Variants in GRIN2B observed in about 807,000 individuals in gnomAD.
The protein encoded by GRIN2B is glutamate receptor ionotropic, NMDA 2B.
In GRIN2B, 5 loss-of-function variants were observed where a neutral mutation model predicts 114.5. That is an observed-to-expected ratio of 0.04 (90% CI 0.02 to 0.09). The LOEUF is 0.09. GRIN2B is among the 10% of genes least tolerant of loss of function. GRIN2B has a pLI of 1.00. For missense variants in GRIN2B, 1,108 were observed against 1,943.5 expected (o/e 0.57, Z 8.08); for synonymous variants, 787 against 745.1 (o/e 1.06, Z -0.92).
intron 3 of GRIN2B, among the ~76,000 whole-genome samples, chr12:13,777,505 C>T (rs1371411561): frequency 2.6e-5 from 4 of 152,138 alleles, no homozygotes; most frequent in African/African-American, 7.2e-5. Context: ...TGAAGTATTC[C>T]GCAATACCCA....
intron 10 of GRIN2B, among the ~76,000 whole-genome samples, chr12:13,575,380 C>T (rs558648832): frequency 2.0e-5 from 3 of 152,238 alleles, no homozygotes; most frequent in South Asian, 4.1e-4. Flanking sequence ...ATAATCGGGC[C>T]GGGTGCAGTG....
chr12:13,766,593 A>G (rs1863794325), intron 3 of GRIN2B, among the ~76,000 whole-genome samples: 1 of 152,226 alleles, frequency 6.6e-6, no homozygotes, highest in Non-Finnish European at 1.5e-5. Flanking sequence ...GCTACAGTCT[A>G]AATGAATTAT....
At chr12:13,795,303 G>C (rs1261932152) in intron 3 of GRIN2B, among the ~76,000 whole-genome samples, 1 of 151,582 alleles carries the variant, frequency 6.6e-6, no homozygotes, top group African/African-American at 2.4e-5. Context: ...TGGCAAGGTA[G>C]ATATAAGAAG....
Position 13,572,011 on chromosome 12 carries a change from A to G in GRIN2B, c.2011-47T>C, listed in dbSNP as rs1000652664. 25 of 1,441,030 alleles carry G rather than the reference A, an allele frequency of 1.7e-5. No individual in the cohort carries two copies. In the East Asian group the frequency reaches 3.0e-4, roughly 17 times the overall value. 89.3% of individuals were successfully genotyped at this position (1,441,030 alleles called of 1,614,324 possible). A position where few individuals can be genotyped will look rare whatever the true frequency, so the allele number is the denominator to read the frequency against. On this transcript the variant is annotated intron_variant, in intron 10 of 13. Transcript: ENST00000609686. Reference sequence around the variant, plus strand: ...GAGACAGAGCGGGAGATGGAGGGAGAGAGAGAGAGAAAAGTCATTTTAGAA... The same window carrying G: ...GAGACAGAGCGGGAGATGGAGGGAGGGAGAGAGAGAAAAGTCATTTTAGAA...
intron 3 of GRIN2B, among the ~76,000 whole-genome samples, chr12:13,770,219 T>G (rs1228755813): frequency 6.6e-6 from 1 of 152,192 alleles, no homozygotes; most frequent in Non-Finnish European, 1.5e-5. Context: ...CCTTAAGAAT[T>G]TAGGATGAAA....
At chr12:13,801,836 T>G (rs1206019601) in intron 3 of GRIN2B, among the ~76,000 whole-genome samples, 1 of 152,158 alleles carries the variant, frequency 6.6e-6, no homozygotes, top group African/African-American at 2.4e-5. Context: ...CTTGTTGGAC[T>G]AAGCACTTCA....
chr12:13,958,208 C>T (rs576760670), intron 2 of GRIN2B, among the ~76,000 whole-genome samples: 1 of 152,276 alleles, frequency 6.6e-6, no homozygotes, highest in African/African-American at 2.4e-5. Context: ...TAATAGTGGA[C>T]TAATAATGGC....
In GRIN2B at chr12:13,546,153, C is replaced by T. The variant is rs1591595234; in HGVS notation, c.*16630G>A. 1 of 152,182 alleles carries T rather than the reference C, an allele frequency of 6.6e-6. No homozygotes were observed. The highest frequency in any genetic ancestry group is 2.1e-4 in the South Asian group (1 of 4,824). 9.4% of individuals were successfully genotyped at this position (152,182 alleles called of 1,614,324 possible). A position where few individuals can be genotyped will look rare whatever the true frequency, so the allele number is the denominator to read the frequency against. ...AAAAGGTTCAGCTAACTCCATTCCC[C>T]TGATATATTCAGTTCTCAGTGCCCC... On this transcript the variant is annotated 3_prime_UTR_variant, in exon 14 of 14. Coordinates refer to ENST00000609686, the MANE Select transcript of GRIN2B (RefSeq NM_000834.5).
At chr12:13,751,180 C>T (rs1863478380) in intron 4 of GRIN2B, among the ~76,000 whole-genome samples, 1 of 152,022 alleles carries the variant, frequency 6.6e-6, no homozygotes, top group Non-Finnish European at 1.5e-5. Flanking sequence ...AGGTAGCGTG[C>T]AAGGCAGAGA....
At chr12:13,732,268 T>C (rs1388899304) in intron 4 of GRIN2B, among the ~76,000 whole-genome samples, 5 of 152,208 alleles carry the variant, frequency 3.3e-5, no homozygotes, top group Non-Finnish European at 7.3e-5. Flanking sequence ...TGATAGCTTG[T>C]TGCCTTTCAA....
intron 2 of GRIN2B, among the ~76,000 whole-genome samples, chr12:13,957,480 C>T (rs1347892924): frequency 6.6e-6 from 1 of 152,128 alleles, no homozygotes; most frequent in African/African-American, 2.4e-5. Context: ...TCATTGGTAA[C>T]CTTCCACTGG....
chr12:13,897,011 A>T (rs888123792), intron 2 of GRIN2B, among the ~76,000 whole-genome samples: 1 of 152,192 alleles, frequency 6.6e-6, no homozygotes, highest in Non-Finnish European at 1.5e-5. Flanking sequence ...ACTAGTTATG[A>T]TAATGATTAT....
intron 5 of GRIN2B, among the ~76,000 whole-genome samples, chr12:13,668,848 G>A (rs966316719): frequency 2.0e-5 from 3 of 151,420 alleles, no homozygotes; most frequent in African/African-American, 7.3e-5. Flanking sequence ...AAATTTGTGG[G>A]GGCAGTCCTT....
At chr12:13,880,005 G>T (rs143498957) in intron 2 of GRIN2B, among the ~76,000 whole-genome samples, 234 of 152,324 alleles carry the variant, frequency 1.5e-3, no homozygotes, top group Middle Eastern at 6.8e-3. Flanking sequence ...GTCCATCTGT[G>T]AGTCACTGTA....
At chr12:13,573,511 A>T (rs561511382) in intron 10 of GRIN2B, among the ~76,000 whole-genome samples, 1 of 136,200 alleles carries the variant, frequency 7.3e-6, no homozygotes, top group Non-Finnish European at 1.6e-5. Flanking sequence ...ATGTTCTCTT[A>T]TATTATTTTT....
At chr12:13,743,458 C>A (rs192109636) in intron 4 of GRIN2B, among the ~76,000 whole-genome samples, 126 of 152,144 alleles carry the variant, frequency 8.3e-4, no homozygotes, top group African/African-American at 2.8e-3. Context: ...CACACACATA[C>A]ACACACACAC....
intron 3 of GRIN2B, among the ~76,000 whole-genome samples, chr12:13,838,029 C>T (rs1383230928): frequency 1.3e-5 from 2 of 152,046 alleles, no homozygotes; most frequent in African/African-American, 4.8e-5. Flanking sequence ...AGTTGGATCT[C>T]CATGAATTAC....
rs1948307741 is a variant in GRIN2B, at chr12:13,543,473, G to A, written c.*19310C>T. The A allele has an allele frequency of 6.6e-6, 1 of 152,124 alleles. No homozygotes were observed. 9.4% of individuals were successfully genotyped at this position (152,124 alleles called of 1,614,324 possible). ...TAGTTAACACACTGCAGTTGCCCTT[G>A]ACTCCACATCTCTTGCTTTCATTAT... On this transcript the variant is annotated 3_prime_UTR_variant, in exon 14 of 14. Coordinates refer to ENST00000609686, the MANE Select transcript of GRIN2B (RefSeq NM_000834.5).
chr12:13,635,377 T>C (rs1313237511), intron 5 of GRIN2B, among the ~76,000 whole-genome samples: 2 of 152,156 alleles, frequency 1.3e-5, no homozygotes, highest in South Asian at 2.1e-4. Context: ...GAAGAATGGA[T>C]ACTTATCTCA....
Sources: gnomAD v4.1 joint callset for allele counts (sites outside exome capture counted in the v4.1 genomes callset) on GRCh38, gnomAD v4.1.1 for gene constraint, MANE v1.5 for transcripts, NCBI Gene and HGNC (gene_info 2026-07-23, HGNC 2026-07-21) for gene names.